The following BMP1 variants were observed in gnomAD, a reference collection of about 807,000 sequenced individuals.
BMP1 encodes bone morphogenetic protein 1.
BMP1 carries 63 observed loss-of-function variants against 116.8 expected under a neutral mutation model. The observed-to-expected ratio is 0.54, with a 90% CI of 0.44 to 0.67. The LOEUF is 0.67. Ranked by LOEUF, BMP1 falls within the 30% of genes least tolerant of loss-of-function variation. BMP1 has a pLI of 0.00. For synonymous variants in BMP1, 536 were observed against 533.4 expected (o/e 1.00, Z -0.07); for missense variants, 1,183 against 1,358.9 (o/e 0.87, Z 2.04).
chr8:22,178,729 T>A (rs1828526251), intron 6 of BMP1, among the ~76,000 whole-genome samples: 1 of 152,004 alleles, frequency 6.6e-6, no homozygotes. Flanking sequence ...CCCTCAAAGG[T>A]GGTGGCCCAG....
chr8:22,200,876 T>C (rs1331146081), intron 15 of BMP1, among the ~76,000 whole-genome samples: 2 of 152,176 alleles, frequency 1.3e-5, no homozygotes, highest in Non-Finnish European at 2.9e-5. Flanking sequence ...GGCCTTCTCC[T>C]GCCACAGGCT....
chr8:22,208,139 C>T (rs901104404), intron 18 of BMP1, among the ~76,000 whole-genome samples: 1 of 152,216 alleles, frequency 6.6e-6, no homozygotes, highest in African/African-American at 2.4e-5. Context: ...CCGCCTTGGC[C>T]TCCCAAAGTG....
chr8:22,190,698 C>T (rs1828906596), intron 8 of BMP1, among the ~76,000 whole-genome samples: 1 of 152,184 alleles, frequency 6.6e-6, no homozygotes, highest in African/African-American at 2.4e-5. Flanking sequence ...TGACCAGGAG[C>T]CAGGAGCTCC....
At chr8:22,182,463 C>T (rs1052404111) in intron 8 of BMP1, among the ~76,000 whole-genome samples, 17 of 152,276 alleles carry the variant, frequency 1.1e-4, no homozygotes, top group South Asian at 6.2e-4. Flanking sequence ...ACCAGTTGAC[C>T]GGGATGTACG....
rs1335957157 is a variant in BMP1, at chr8:22,176,140, C to T, written c.263-3C>T. 1.2e-6 allele frequency: 2 copies of T among 1,614,008 alleles called. No homozygotes were observed. The highest frequency in any genetic ancestry group is 1.7e-6 in the Non-Finnish European group (2 of 1,179,958). ...CACTAGTCACCATGACTTCCTCTCT[C>T]AGTTCCAGGAAACACTTCTACCCCC... On this transcript the variant is annotated splice_region_variant and splice_polypyrimidine_tract_variant and intron_variant, in intron 2 of 19. Transcript: ENST00000306385.
At chr8:22,201,106 C>T (rs1031620155) in intron 15 of BMP1, 3 of 1,536,576 alleles carry the variant, frequency 2.0e-6, no homozygotes, top group Admixed American at 1.7e-5. Context: ...CTCCTTCTCT[C>T]TCTCGTTTCA....
chr8:22,178,986 G>A (rs866475430), intron 6 of BMP1, among the ~76,000 whole-genome samples: 2 of 152,058 alleles, frequency 1.3e-5, no homozygotes, highest in Non-Finnish European at 2.9e-5. Context: ...CCACAGACCC[G>A]GCCTTACATT....
chr8:22,173,798 C>G (rs1828352494), intron 2 of BMP1, 83 bp downstream of exon 2: 3 of 1,099,238 alleles, frequency 2.7e-6, no homozygotes, highest in Admixed American at 2.5e-5. Flanking sequence ...TGTTCCCAGC[C>G]AGGCCCTCCC....
intron 15 of BMP1, chr8:22,201,328 C>T: frequency 6.7e-7 from 1 of 1,502,382 alleles, no homozygotes; most frequent in Admixed American, 2.3e-5. Flanking sequence ...CTCCCTCTGG[C>T]CGGACAGAAC....
In BMP1 at chr8:22,176,983, C is replaced by T. The variant is rs1342937363; in HGVS notation, c.574C>T (p.Arg192Cys). Residue 192 changes from arginine (R) to cysteine (C), a missense_variant, in exon 5 of 20, where the codon CGC becomes TGC. Physicochemically the swap from Arg to Cys is radical, Grantham distance 180 (BLOSUM62 -3). Coordinates refer to ENST00000306385, the MANE Select transcript of BMP1 (RefSeq NM_006129.5). ...PCGCCSYVGR[R>C]GGGPQAISIG... ...CAGGTGCTGCTCCTACGTGGGTCGC[C>T]GCGGCGGGGGCCCCCAGGCCATCTC... The T allele has an allele frequency of 1.2e-6, 2 of 1,611,934 alleles. No individual in the cohort carries two copies. The highest frequency in any genetic ancestry group is 1.1e-5 in the South Asian group (1 of 90,936).
At chr8:22,192,024 C>A in intron 8 of BMP1, 25 bp from the exon 9 acceptor site, 1 of 1,591,002 alleles carries the variant, frequency 6.3e-7, no homozygotes, top group Non-Finnish European at 8.6e-7. Context: ...GACAGCTTAA[C>A]CCTCTTCCTC....
intron 8 of BMP1, among the ~76,000 whole-genome samples, chr8:22,185,103 C>T (rs1210464964): frequency 6.6e-6 from 1 of 152,172 alleles, no homozygotes; most frequent in East Asian, 1.9e-4. Flanking sequence ...GCGGAGAGGA[C>T]TGACAGTGTT....
chr8:22,204,956 C>T (rs991928708), intron 16 of BMP1, among the ~76,000 whole-genome samples: 3 of 152,088 alleles, frequency 2.0e-5, no homozygotes, highest in African/African-American at 4.8e-5. Context: ...TGAGTGAGAG[C>T]GTGAGGCTGG....
intron 4 of BMP1, 57 bp downstream of exon 4, chr8:22,176,707 C>G: frequency 6.4e-7 from 1 of 1,555,350 alleles, no homozygotes; most frequent in Non-Finnish European, 8.9e-7. Context: ...CCAGGTTCTG[C>G]CCTGGGCCCT....
Position 22,177,116 on chromosome 8 carries a change from T to A in BMP1, c.707T>A (p.Ile236Asn). 1 of 1,609,598 alleles carries A rather than the reference T, an allele frequency of 6.2e-7. No homozygotes were observed. Among genetic ancestry groups the A allele is most frequent in the Non-Finnish European group, 8.5e-7 (1 of 1,177,410 alleles). The change falls in exon 5 of 20, where the codon ATC (isoleucine) becomes AAC (asparagine). Residue 236 changes from isoleucine (I) to asparagine (N), a missense_variant. By Grantham distance (149) the Ile-to-Asn change is moderately radical. This residue lies in a region of BMP1 where 956 missense variants were observed against 1,135.2 expected (regional missense o/e 0.84). Coordinates refer to ENST00000306385, the MANE Select transcript of BMP1 (RefSeq NM_006129.5). ...CCAGACCGGGACCGCCACGTTTCCA[T>A]CGTTCGTGAGAACATCCAGCCAGGT... is the stretch of plus-strand genomic sequence containing the variant. ...TRPDRDRHVSIVRENIQPGQE... is the reference protein window; with the variant it reads ...TRPDRDRHVSNVRENIQPGQE...
intron 18 of BMP1, among the ~76,000 whole-genome samples, chr8:22,207,933 G>A (rs1829394791): frequency 6.6e-6 from 1 of 151,862 alleles, no homozygotes; most frequent in African/African-American, 2.4e-5. Context: ...GCCCAGGCTG[G>A]AGTGCAGTGG....
rs986357924 is a variant in BMP1 at position 22,176,542 on chromosome 8, G to A, written c.443G>A (p.Arg148Lys). The A allele has an allele frequency of 1.2e-6, 2 of 1,614,176 alleles. No individual in the cohort carries two copies. The highest frequency in any genetic ancestry group is 1.7e-5 in the Admixed American group (1 of 60,028). ...TCCTTCCTCCTGGCAGGTAGCCAGA[G>A]GGCAGTCTTCCGGCAGGCCATGAGG... ...VIGGNFTGSQ[R>K]AVFRQAMRHW... The change falls in exon 4 of 20, where the codon AGG becomes AAG. Residue 148 changes from arginine (R) to lysine (K), a missense_variant. Physicochemically the swap from Arg to Lys is conservative, Grantham distance 26. Transcript: ENST00000306385.
In BMP1 at chr8:22,211,725, G is replaced by A. The variant is rs946898134; in HGVS notation, c.2958G>A (p.Lys986=). ...TCCAGGACACACTCCACAGCAGGAA[G>A]TGACCACTGCCTGAGCAGGGGCGGG... is the stretch of plus-strand genomic sequence containing the variant. ...TKFQDTLHSR[K] Residue 986 remains lysine, a synonymous_variant, in exon 20 of 20, where the codon AAG becomes AAA. Transcript: ENST00000306385. 2 of 1,614,006 alleles carry A rather than the reference G, an allele frequency of 1.2e-6. No homozygotes were observed. Among genetic ancestry groups the A allele is most frequent in the African/African-American group, 1.3e-5 (1 of 74,932 alleles).
At chr8:22,211,086 C>G (rs1052774143) in intron 19 of BMP1, among the ~76,000 whole-genome samples, 4 of 152,040 alleles carry the variant, frequency 2.6e-5, no homozygotes, top group African/African-American at 9.7e-5. Context: ...AGAGTCCAGG[C>G]CTGGGGGGCA....
Sources: gnomAD v4.1 joint callset for allele counts (sites outside exome capture counted in the v4.1 genomes callset) on GRCh38, gnomAD v4.1.1 for gene constraint, gnomAD v4.1.1 regional missense constraint, MANE v1.5 for transcripts, NCBI Gene and HGNC (gene_info 2026-07-23, HGNC 2026-07-21) for gene names.